TM9SF2: variants seen among roughly 807,000 people sequenced by gnomAD.
The protein encoded by TM9SF2 is transmembrane 9 superfamily member 2.
Under a neutral mutation model 84.9 loss-of-function variants are expected in TM9SF2, and 13 were observed. The ratio of observed to expected loss-of-function variants is 0.15; its 90% confidence interval spans 0.10 to 0.24. The LOEUF (loss-of-function observed/expected upper bound fraction) is 0.24, where lower values mean the gene tolerates loss of function less well. Ranked by LOEUF, TM9SF2 falls within the 10% of genes least tolerant of loss-of-function variation. TM9SF2 has a pLI of 1.00. For synonymous variants in TM9SF2, 273 were observed against 285.8 expected, an observed-to-expected ratio of 0.96 and a Z score of 0.45; for missense variants, 562 against 818.5, an observed-to-expected ratio of 0.69 and a Z score of 3.82.
chr13:99,544,638 A>G (rs1452440868), intron 10 of TM9SF2, among the ~76,000 whole-genome samples: 2 of 152,164 alleles, frequency 1.3e-5, no homozygotes, highest in Admixed American at 1.3e-4. Flanking sequence ...CAGTCTGGTT[A>G]GGGTTCCAGG....
chr13:99,562,774 C>T lies in TM9SF2; in HGVS notation c.*16C>T. The T allele has an allele frequency of 6.2e-7, 1 of 1,605,800 alleles. No individual in the cohort carries two copies. Among genetic ancestry groups the T allele is most frequent in the Non-Finnish European group, 8.5e-7 (1 of 1,176,828 alleles). The stretch of plus-strand genomic sequence containing the variant: ...GGTTGACTGAAGAAGTCCAGTGTGT[C>T]CAGTTAAAACAGAAATAAATTAAAC... On this transcript the variant is annotated 3_prime_UTR_variant, in exon 17 of 17. Coordinates refer to ENST00000376387, the MANE Select transcript of TM9SF2 (RefSeq NM_004800.3).
At chr13:99,554,088 T>C (rs1468169931) in intron 13 of TM9SF2, among the ~76,000 whole-genome samples, 1 of 152,228 alleles carries the variant, frequency 6.6e-6, no homozygotes, top group Non-Finnish European at 1.5e-5. Flanking sequence ...CTGGAGACAG[T>C]ATTAACTTGT....
At chr13:99,559,672 T>C (rs1484196315) in intron 16 of TM9SF2, 138 bp downstream of exon 16, 2 of 796,302 alleles carry the variant, frequency 2.5e-6, no homozygotes, top group Non-Finnish European at 3.8e-6. Flanking sequence ...CAACTAGGCA[T>C]AGTTGGGTCT....
At chr13:99,540,586 A>G (rs1231582200) in intron 7 of TM9SF2, 128 bp from the exon 8 acceptor site, 4 of 610,010 alleles carry the variant, frequency 6.6e-6, no homozygotes, top group Non-Finnish European at 1.1e-5. Flanking sequence ...AGGACTAACC[A>G]AAGTTAGATA....
At position 99,541,597 on chromosome 13, in the gene TM9SF2, G is replaced by C; in HGVS notation, c.947G>C (p.Gly316Ala). ...NSLVIVLFLS[G>A]MVAMIMLRTL... ...CTGGTCATTGTTCTCTTCTTATCTG[G>C]AATGGTAGCTATGATTATGTTACGG... The change falls in exon 9 of 17, where the codon GGA becomes GCA. Residue 316 changes from glycine to alanine, a missense_variant. Physicochemically the swap from Gly to Ala is moderately conservative, Grantham distance 60. This residue lies in a region of TM9SF2 where 219 missense variants were observed against 338.1 expected (regional missense o/e 0.65). Transcript: ENST00000376387. The C allele has an allele frequency of 6.2e-7, 1 of 1,613,262 alleles. No homozygotes were observed. The highest frequency in any genetic ancestry group is 1.1e-5 in the South Asian group (1 of 91,016).
At chr13:99,542,252 G>T (rs959068879) in intron 9 of TM9SF2, among the ~76,000 whole-genome samples, 13 of 152,084 alleles carry the variant, frequency 8.5e-5, no homozygotes, top group Non-Finnish European at 1.8e-4. Flanking sequence ...TGGGGTGTAG[G>T]TGCACAGTTA....
intron 4 of TM9SF2, among the ~76,000 whole-genome samples, chr13:99,531,225 C>T (rs750903741): frequency 3.9e-5 from 6 of 152,260 alleles, no homozygotes; most frequent in East Asian, 1.9e-4. Context: ...TGCTATTCTT[C>T]TGAGTAATTT....
chr13:99,501,879 G>T (rs1594041161), intron 1 of TM9SF2, 102 bp downstream of exon 1: 1 of 1,480,406 alleles, frequency 6.8e-7, no homozygotes, highest in Non-Finnish European at 9.0e-7. Context: ...AGGGGGCGTA[G>T]CAGCGGGTGG....
chr13:99,514,451 A>G (rs7997256), intron 1 of TM9SF2: 1 of 152,256 alleles, frequency 6.6e-6, no homozygotes, highest in East Asian at 1.9e-4. Flanking sequence ...GTACAATCCC[A>G]TGTTGTTTAA....
At chr13:99,531,193 C>T (rs1209485799) in intron 4 of TM9SF2, among the ~76,000 whole-genome samples, 1 of 152,074 alleles carries the variant, frequency 6.6e-6, no homozygotes, top group Non-Finnish European at 1.5e-5. Flanking sequence ...CTTTCAAAAT[C>T]CAACATTTGA....
intron 9 of TM9SF2, 138 bp from the exon 10 acceptor site, chr13:99,543,725 A>T (rs1422103505): frequency 6.3e-6 from 7 of 1,115,146 alleles, no homozygotes; most frequent in Non-Finnish European, 8.8e-6. Flanking sequence ...GTATTCTTCA[A>T]AATTGAAATA....
intron 4 of TM9SF2, 51 bp downstream of exon 4, chr13:99,529,645 C>A (rs74329188): frequency 2.8e-6 from 4 of 1,433,490 alleles, no homozygotes; most frequent in South Asian, 1.7e-5. Flanking sequence ...CATATGAAAT[C>A]TTTGTTGCTT....
intron 4 of TM9SF2, among the ~76,000 whole-genome samples, chr13:99,533,871 A>G (rs61972545): frequency 0.033 from 5,049 of 152,218 alleles, 113 homozygotes; most frequent in Middle Eastern, 0.12. Flanking sequence ...GGATTTCACT[A>G]TGTTGGCCAG....
At chr13:99,542,080 G>T (rs2046262451) in intron 9 of TM9SF2, among the ~76,000 whole-genome samples, 1 of 151,926 alleles carries the variant, frequency 6.6e-6, no homozygotes, top group African/African-American at 2.4e-5. Flanking sequence ...GAACCCAGGA[G>T]GCGGAGGCTG....
At chr13:99,505,170 G>C (rs1207809501) in intron 1 of TM9SF2, among the ~76,000 whole-genome samples, 1 of 41,732 alleles carries the variant, frequency 2.4e-5, no homozygotes, top group Non-Finnish European at 5.3e-5. Flanking sequence ...TTTTTTTTTT[G>C]AGACGGAGTT....
Position 99,529,586 on chromosome 13 carries a change from A to G in TM9SF2, c.453A>G (p.Gln151=), listed in dbSNP as rs771094480. The G allele has an allele frequency of 9.5e-6, 15 of 1,575,964 alleles. No individual in the cohort carries two copies. The highest frequency in any genetic ancestry group is 2.8e-5 in the African/African-American group (2 of 72,416). Residue 151 remains glutamine (Q), a synonymous_variant, in exon 4 of 17, where the codon CAA becomes CAG. Transcript: ENST00000376387. ...AAAAAAGCATGTTATTGAATTATCA[A>G]CATCACTGGTAAGGCATGAATATTT... The part of the protein sequence containing the change: ...FLKKSMLLNY[Q]HHWIVDNMPV...
intron 6 of TM9SF2, among the ~76,000 whole-genome samples, chr13:99,538,138 G>A (rs148122544): frequency 0.012 from 1,789 of 152,286 alleles, 20 homozygotes; most frequent in Non-Finnish European, 0.02. Context: ...AGTGGGGAGG[G>A]AGAAGTTGAG....
In TM9SF2 at chr13:99,562,770, G is replaced by A. The variant is rs2046349723; in HGVS notation, c.*12G>A. 1 of 1,610,934 alleles carries A rather than the reference G, an allele frequency of 6.2e-7. No homozygotes were observed. The highest frequency in any genetic ancestry group is 1.7e-5 in the Admixed American group (1 of 59,578). On this transcript the variant is annotated 3_prime_UTR_variant, in exon 17 of 17. Coordinates refer to ENST00000376387, the MANE Select transcript of TM9SF2 (RefSeq NM_004800.3). ...TGAAGGTTGACTGAAGAAGTCCAGT[G>A]TGTCCAGTTAAAACAGAAATAAATT...
At chr13:99,539,420 T>A in intron 6 of TM9SF2, 26 bp from the exon 7 acceptor site, 15 of 1,444,238 alleles carry the variant, frequency 1.0e-5, no homozygotes, top group Non-Finnish European at 1.5e-5. Context: ...TTTATCAGCA[T>A]CTTGCCAAAA....
Sources: allele counts gnomAD v4.1 joint callset (sites outside exome capture counted in the v4.1 genomes callset), GRCh38; gene constraint gnomAD v4.1.1; regional missense constraint gnomAD v4.1.1; transcripts MANE v1.5; gene names NCBI Gene and HGNC (gene_info 2026-07-23, HGNC 2026-07-21).